Variants in PARD3B observed in about 807,000 individuals in gnomAD.
PARD3B encodes the protein par-3 family cell polarity regulator beta.
Under a neutral mutation model 130.2 loss-of-function variants are expected in PARD3B, and 103 were observed. The ratio of observed to expected loss-of-function variants is 0.79; its 90% CI spans 0.67 to 0.93. The LOEUF (loss-of-function observed/expected upper bound fraction) is 0.93. Ranked by LOEUF, PARD3B falls within the 40% of genes least tolerant of loss-of-function variation. The pLI is 0.00. For synonymous variants in PARD3B, 583 were observed against 553.2 expected (o/e 1.05, Z -0.76); for missense variants, 1,609 against 1,499.2 (o/e 1.07, Z -1.21).
chr2:205,127,342 A>T (rs1023004959), intron 10 of PARD3B, among the ~76,000 whole-genome samples: 4 of 151,198 alleles, frequency 2.6e-5, no homozygotes, highest in African/African-American at 7.3e-5. Flanking sequence ...TTCAGAAGGG[A>T]TTTTGTAGCT....
rs1022551457 is a variant in PARD3B at position 205,128,220 on chromosome 2, A to G, written c.1434+2483A>G. Among the ~76,000 whole-genome samples the G allele has an allele frequency of 1.3e-5, 2 of 152,240 alleles. No individual in the cohort carries two copies. Among genetic ancestry groups the G allele is most frequent in the East Asian group, 3.9e-4 (2 of 5,194 alleles). ...TTTCAGGCAGCCCCTGAGCATGCAA[A>G]AGAATGCAACCACAGAACTCCAACT... On this transcript the variant is annotated intron_variant, in intron 10 of 22. Coordinates refer to ENST00000406610, the MANE Select transcript of PARD3B (RefSeq NM_001302769.2). The surrounding 1 kb of genome is among the most constrained non-coding windows in gnomAD (Gnocchi z 4.5).
chr2:205,022,090 A>G (rs1219077357), intron 3 of PARD3B, among the ~76,000 whole-genome samples: 1 of 152,212 alleles, frequency 6.6e-6, no homozygotes, highest in East Asian at 1.9e-4. Flanking sequence ...TAACAATACA[A>G]ATAGATGATA....
intron 4 of PARD3B, among the ~76,000 whole-genome samples, chr2:205,074,602 CATGGCTGTCTG>C (rs1700931665): frequency 6.6e-6 from 1 of 152,142 alleles, no homozygotes; most frequent in East Asian, 1.9e-4. Flanking sequence ...TCTTAGTAAT[CATGGCTGTCTG>C]ATGTATCAAA....
Position 205,047,636 on chromosome 2 carries a change from T to A in PARD3B, c.450T>A (p.Asp150Glu). The stretch of plus-strand genomic sequence containing the variant: ...ACCCAGTGCCAGGCCCACCTGCTGA[T>A]ACCCAGCCAAGCGCTTCACACCCTG... ...SSDPVPGPPA[D>E]TQPSASHPGG... Residue 150 changes from aspartate (D) to glutamate (E), a missense_variant, in exon 4 of 23, where the codon GAT (aspartate) becomes GAA (glutamate). Transcript: ENST00000406610. 1 of 1,551,040 alleles carries A rather than the reference T, an allele frequency of 6.4e-7. No homozygotes were observed. The highest frequency in any genetic ancestry group is 8.7e-7 in the Non-Finnish European group (1 of 1,146,954).
At chr2:205,602,823 T>A (rs2054841599) in intron 22 of PARD3B, among the ~76,000 whole-genome samples, 1 of 152,178 alleles carries the variant, frequency 6.6e-6, no homozygotes, top group Non-Finnish European at 1.5e-5. Flanking sequence ...CTTGGATTCA[T>A]TGATTTTTTT....
At chr2:204,764,712 A>ATGTGTGTGTGTGTGTGTGTGTG (rs1387737555) in intron 2 of PARD3B, among the ~76,000 whole-genome samples, 670 of 43,050 alleles carry the variant, frequency 0.016, 11 homozygotes, top group African/African-American at 0.037. Flanking sequence ...TCTGGCATGC[A>ATGTGTGTGTGTGTGTGTGTGTG]TGCGTGTGTG....
intron 18 of PARD3B, among the ~76,000 whole-genome samples, chr2:205,383,097 T>TAGATAGATAGATAGATAGATAGAG (rs2045517494): frequency 6.0e-5 from 8 of 132,810 alleles, no homozygotes; most frequent in South Asian, 5.2e-4. Context: ...GATAGATAGA[T>TAGATAGATAGATAGATAGATAGAG]AGATAGATAG....
chr2:204,747,365 A>G (rs1157751784), intron 2 of PARD3B, among the ~76,000 whole-genome samples: 1 of 152,166 alleles, frequency 6.6e-6, no homozygotes, highest in Non-Finnish European at 1.5e-5. Flanking sequence ...CTAGGAATCC[A>G]ACTTACAAGG....
chr2:205,267,153 C>G (rs2040539526), intron 16 of PARD3B, among the ~76,000 whole-genome samples: 1 of 152,068 alleles, frequency 6.6e-6, no homozygotes, highest in Admixed American at 6.6e-5. Context: ...TCTAAACTTC[C>G]CTGTTTCTTA....
intron 10 of PARD3B, among the ~76,000 whole-genome samples, chr2:205,137,692 C>T (rs575904534): frequency 6.6e-6 from 1 of 152,234 alleles, no homozygotes; most frequent in East Asian, 1.9e-4. Flanking sequence ...GTCTACTGGG[C>T]GGGAAGGCCC....
At chr2:205,054,665 A>G (rs561941572) in intron 4 of PARD3B, among the ~76,000 whole-genome samples, 27 of 151,454 alleles carry the variant, frequency 1.8e-4, no homozygotes, top group Admixed American at 9.9e-4. Flanking sequence ...TCTGCACACA[A>G]TGAAAACTGA....
chr2:205,434,559 G>T (rs1486082399), intron 19 of PARD3B, among the ~76,000 whole-genome samples: 1 of 152,144 alleles, frequency 6.6e-6, no homozygotes, highest in Non-Finnish European at 1.5e-5. Context: ...TTTACTGGAT[G>T]TATGAGTTGA....
chr2:205,212,891 T>G (rs1422964705), intron 15 of PARD3B, among the ~76,000 whole-genome samples: 12 of 152,300 alleles, frequency 7.9e-5, no homozygotes, highest in African/African-American at 1.9e-4. Flanking sequence ...AAAGCATTAG[T>G]AGTAACTGTA....
chr2:205,288,081 T>C lies in PARD3B; in HGVS notation c.2186-12449T>C, dbSNP rs771091475. ...TAGTTTTACTGCCCATTAATCATTA[T>C]ATATTACCAAATATAGTAAAGCGTG... On this transcript the variant is annotated intron_variant, in intron 16 of 22. Transcript: ENST00000406610. The surrounding 1 kb of genome is among the most constrained non-coding windows in gnomAD (Gnocchi z 4.0). Among the ~76,000 whole-genome samples, 51 of 152,168 alleles carry C rather than the reference T, an allele frequency of 3.4e-4. No homozygotes were observed. Among genetic ancestry groups the C allele is most frequent in the Non-Finnish European group, 1.2e-4 (8 of 68,044 alleles).
At chr2:204,989,672 T>C (rs542728543) in intron 3 of PARD3B, among the ~76,000 whole-genome samples, 67 of 152,162 alleles carry the variant, frequency 4.4e-4, no homozygotes, top group Non-Finnish European at 7.5e-4. Context: ...GTTCATTGTT[T>C]AGTTTTGTGT....
At chr2:204,592,013 TA>T (rs1300451623) in intron 1 of PARD3B, among the ~76,000 whole-genome samples, 1 of 152,260 alleles carries the variant, frequency 6.6e-6, no homozygotes, top group Non-Finnish European at 1.5e-5. Context: ...TTTCTACCAA[TA>T]CTAACACTTT....
intron 15 of PARD3B, among the ~76,000 whole-genome samples, chr2:205,222,926 A>C (rs1025185975): frequency 3.3e-5 from 5 of 151,888 alleles, no homozygotes; most frequent in African/African-American, 1.2e-4. Context: ...TTTATTTTGT[A>C]AAGATGAGTA....
chr2:205,514,743 A>G (rs1019224106), intron 21 of PARD3B, among the ~76,000 whole-genome samples: 3 of 151,890 alleles, frequency 2.0e-5, no homozygotes, highest in African/African-American at 7.2e-5. Flanking sequence ...TATACTTGGC[A>G]TACTCCAGGC....
rs78440272 is a variant in PARD3B, at chr2:204,657,603, G to A, written c.121-28578G>A. ...GGACTGAATTCTTAGCTTTATGAAG[G>A]CTGTGTGCTTAATTATTCTTAAAGC... is the stretch of plus-strand genomic sequence containing the variant. On this transcript the variant is annotated intron_variant, in intron 1 of 22. Transcript: ENST00000406610. Among the ~76,000 whole-genome samples the A allele has an allele frequency of 8.1e-3, 1,227 of 152,212 alleles. 17 individuals are homozygous for A. The highest frequency in any genetic ancestry group is 0.028 in the African/African-American group (1,165 of 41,530).
Sources: allele counts gnomAD v4.1 joint callset (sites outside exome capture counted in the v4.1 genomes callset), GRCh38; gene constraint gnomAD v4.1.1; non-coding constraint Gnocchi (gnomAD v3.1); transcripts MANE v1.5; gene names NCBI Gene and HGNC (gene_info 2026-07-23, HGNC 2026-07-21).